The following CADM2 variants were observed in gnomAD, a reference collection of about 807,000 sequenced individuals.
CADM2 encodes the protein immunoglobulin superfamily member 4D.
CADM2 carries 12 observed loss-of-function variants against 49.8 expected under a neutral mutation model. That is an observed-to-expected ratio of 0.24 (90% CI 0.15 to 0.39). The LOEUF is 0.39. CADM2 is among the 10% of genes least tolerant of loss of function. The pLI, the probability that CADM2 is intolerant of heterozygous loss-of-function variation, is 1.00. For missense variants in CADM2, 378 were observed against 492.3 expected (o/e 0.77, Z 2.20); for synonymous variants, 214 against 175.4 (o/e 1.22, Z -1.74).
chr3:85,054,727 C>A (rs1333133460), intron 1 of CADM2, among the ~76,000 whole-genome samples: 1 of 151,892 alleles, frequency 6.6e-6, no homozygotes, highest in Non-Finnish European at 1.5e-5. Context: ...CCATTTTTGG[C>A]CAGCAAATGT....
At chr3:86,043,434 T>G (rs1410557142) in intron 8 of CADM2, among the ~76,000 whole-genome samples, 1 of 151,660 alleles carries the variant, frequency 6.6e-6, no homozygotes. Flanking sequence ...TATACACCAA[T>G]AGCAAACAGC....
intron 1 of CADM2, among the ~76,000 whole-genome samples, chr3:85,439,790 G>T (rs534210287): frequency 6.6e-6 from 1 of 152,142 alleles, no homozygotes; most frequent in South Asian, 2.1e-4. Context: ...GATGGTATTT[G>T]CATTCTGAAA....
intron 1 of CADM2, among the ~76,000 whole-genome samples, chr3:85,419,422 C>T (rs1013468050): frequency 6.6e-6 from 1 of 151,114 alleles, no homozygotes; most frequent in Non-Finnish European, 1.5e-5. Flanking sequence ...CGCGCCACTG[C>T]ACTCCAGCCT....
chr3:85,713,531 GA>G (rs1195840329), intron 1 of CADM2, among the ~76,000 whole-genome samples: 1 of 151,998 alleles, frequency 6.6e-6, no homozygotes, highest in Non-Finnish European at 1.5e-5. Context: ...AAGAACATAA[GA>G]AAAAAGGATG....
intron 1 of CADM2, among the ~76,000 whole-genome samples, chr3:85,018,368 G>T (rs1203072587): frequency 6.6e-6 from 1 of 152,048 alleles, no homozygotes; most frequent in Non-Finnish European, 1.5e-5. Flanking sequence ...AAAACTGTGA[G>T]TTTATTATTT....
At chr3:85,185,476 A>G (rs999120069) in intron 1 of CADM2, among the ~76,000 whole-genome samples, 1 of 152,118 alleles carries the variant, frequency 6.6e-6, no homozygotes, top group Non-Finnish European at 1.5e-5. Flanking sequence ...CAGCATAAGC[A>G]CTTATATGTA....
chr3:85,037,165 A>G (rs528078054), intron 1 of CADM2, among the ~76,000 whole-genome samples: 1 of 149,994 alleles, frequency 6.7e-6, no homozygotes, highest in Non-Finnish European at 1.5e-5. Context: ...GTGAAACTCC[A>G]TCTCTAAAAA....
At position 85,304,932 on chromosome 3, in the gene CADM2, T is replaced by G. The variant is rs141934053; in HGVS notation, c.61+345264T>G. ...ACCTTGTCCAATGTAGGTGATAAAT[T>G]ATTATTTGTCAATGAAGATATTAAT... On this transcript the variant is annotated intron_variant, in intron 1 of 9. Transcript: ENST00000383699. 2.4e-4 allele frequency among the ~76,000 whole-genome samples: 37 copies of G among 151,868 alleles called. No individual in the cohort carries two copies. In the East Asian group the frequency reaches 6.2e-3, roughly 25 times the overall value.
chr3:85,806,419 G>C (rs1018074355), intron 3 of CADM2, among the ~76,000 whole-genome samples: 4 of 152,070 alleles, frequency 2.6e-5, no homozygotes, highest in Non-Finnish European at 5.9e-5. Context: ...GTTTCCAAGG[G>C]TCCTGGCTAT....
intron 1 of CADM2, among the ~76,000 whole-genome samples, chr3:85,615,877 T>C (rs1468573062): frequency 1.3e-5 from 2 of 151,956 alleles, no homozygotes; most frequent in Non-Finnish European, 2.9e-5. Context: ...TGGGTTGCTA[T>C]CCATTTCATT....
chr3:85,215,008 C>T (rs943271953), intron 1 of CADM2, among the ~76,000 whole-genome samples: 2 of 152,046 alleles, frequency 1.3e-5, no homozygotes, highest in African/African-American at 4.8e-5. Flanking sequence ...CTTCCTTCTC[C>T]TTTCCCTAAG....
At chr3:86,044,064 G>T (rs1031183046) in intron 8 of CADM2, among the ~76,000 whole-genome samples, 2 of 152,138 alleles carry the variant, frequency 1.3e-5, no homozygotes, top group East Asian at 3.9e-4. Flanking sequence ...ATAAATTCAA[G>T]ATGGATTAAA....
At chr3:85,912,901 ATAACT>A (rs750116937) in intron 6 of CADM2, among the ~76,000 whole-genome samples, 2 of 152,184 alleles carry the variant, frequency 1.3e-5, no homozygotes, top group Non-Finnish European at 2.9e-5. Flanking sequence ...TTATATTAAA[ATAACT>A]TTATTTTATG....
intron 7 of CADM2, among the ~76,000 whole-genome samples, chr3:85,946,987 A>G (rs1485365763): frequency 2.0e-5 from 3 of 152,146 alleles, no homozygotes; most frequent in Non-Finnish European, 2.9e-5. Flanking sequence ...AGCAAAAGAA[A>G]CTACCATCAG....
intron 1 of CADM2, among the ~76,000 whole-genome samples, chr3:85,558,409 T>G (rs2107162598): frequency 6.6e-6 from 1 of 152,112 alleles, no homozygotes; most frequent in East Asian, 1.9e-4. Context: ...ACATAAAATC[T>G]ACAAAGAATG....
intron 8 of CADM2, among the ~76,000 whole-genome samples, chr3:86,010,641 T>G (rs909790661): frequency 2.2e-4 from 33 of 150,936 alleles, no homozygotes; most frequent in African/African-American, 7.5e-4. Flanking sequence ...AAATAAATAT[T>G]GAAAGAAAGA....
At chr3:85,191,945 TTGTGTG>T (rs3085115) in intron 1 of CADM2, among the ~76,000 whole-genome samples, 7 of 148,988 alleles carry the variant, frequency 4.7e-5, no homozygotes, top group Non-Finnish European at 1.0e-4. Flanking sequence ...GATGAAACAG[TTGTGTG>T]TGTGTGTGTG....
chr3:85,137,666 T>G (rs1225725341), intron 1 of CADM2, among the ~76,000 whole-genome samples: 1 of 152,072 alleles, frequency 6.6e-6, no homozygotes, highest in Non-Finnish European at 1.5e-5. Context: ...GAGTTAGATT[T>G]TCTAAGTTTA....
chr3:85,206,358 A>T (rs2041634564), intron 1 of CADM2, among the ~76,000 whole-genome samples: 1 of 139,172 alleles, frequency 7.2e-6, no homozygotes, highest in Non-Finnish European at 1.5e-5. Flanking sequence ...CCCAGGCTGG[A>T]GTGCAGTGGC....
Sources: allele counts gnomAD v4.1 joint callset (sites outside exome capture counted in the v4.1 genomes callset), GRCh38; gene constraint gnomAD v4.1.1; transcripts MANE v1.5; gene names NCBI Gene and HGNC (gene_info 2026-07-23, HGNC 2026-07-21).